Variants in PDXDC1 observed in about 807,000 individuals in gnomAD.
PDXDC1 encodes the protein pyridoxal-dependent decarboxylase domain-containing protein 1.
In PDXDC1, 42 loss-of-function variants were observed where a neutral mutation model predicts 100.1. The ratio of observed to expected loss-of-function variants is 0.42; its 90% CI spans 0.33 to 0.54. The LOEUF (loss-of-function observed/expected upper bound fraction) is 0.54. Ranked by LOEUF, PDXDC1 falls within the 20% of genes least tolerant of loss-of-function variation. PDXDC1 has a pLI of 0.10. For synonymous variants in PDXDC1, 260 were observed against 371.7 expected (o/e 0.70, Z 3.46); for missense variants, 636 against 979.2 (o/e 0.65, Z 4.68).
chr16:15,128,346 G>T (rs2047866813), intron 16 of PDXDC1: 2 of 1,607,390 alleles, frequency 1.2e-6, no homozygotes, highest in East Asian at 4.5e-5. Context: ...GGCCGCTCCG[G>T]CTGTCCACCC....
At chr16:14,987,304 T>C (rs1249145168) in intron 1 of PDXDC1, among the ~76,000 whole-genome samples, 1 of 152,300 alleles carries the variant, frequency 6.6e-6, no homozygotes, top group Non-Finnish European at 1.5e-5. Flanking sequence ...TTCATTTACT[T>C]ACTTGATAAA....
At chr16:14,980,757 G>T (rs958576358) in intron 1 of PDXDC1, among the ~76,000 whole-genome samples, 1 of 152,282 alleles carries the variant, frequency 6.6e-6, no homozygotes, top group African/African-American at 2.4e-5. Context: ...GAGCCACCGC[G>T]CCTGGCCAAT....
At chr16:15,000,955 A>G (rs1341546606) in intron 3 of PDXDC1, among the ~76,000 whole-genome samples, 2 of 149,434 alleles carry the variant, frequency 1.3e-5, no homozygotes, top group African/African-American at 2.4e-5. Context: ...ACACTTATAT[A>G]TTATAAGTAC....
rs139975371 is a variant in PDXDC1 at position 15,097,642 on chromosome 16, C to CA, written c.1400-41223dup. Among the ~76,000 whole-genome samples the CA allele has an allele frequency of 4.5e-3, 517 of 115,748 alleles. 1 individual carries two copies. Among genetic ancestry groups the CA allele is most frequent in the Middle Eastern group, 8.0e-3 (2 of 250 alleles). The allele number at this position is 115,748 out of a possible 152,430, so 75.9% of individuals were successfully genotyped here. Reference sequence around the variant, plus strand: ...GGGTGACAGAGTGAGACTCCGTCTCCAAAAAAAAAAAAAAGAACATAATGA... The same window carrying CA: ...GGGTGACAGAGTGAGACTCCGTCTCCAAAAAAAAAAAAAAAGAACATAATGA... On this transcript the variant is annotated intron_variant, in intron 16 of 16. Coordinates refer to the PDXDC1 transcript ENST00000535621.
intron 16 of PDXDC1, chr16:15,076,767 T>A: frequency 1.4e-6 from 1 of 694,394 alleles, no homozygotes. Flanking sequence ...TAGTGCCTTA[T>A]ATCACACCCC....
intron 16 of PDXDC1, among the ~76,000 whole-genome samples, chr16:15,095,325 C>G (rs528102975): frequency 5.9e-5 from 9 of 151,916 alleles, no homozygotes; most frequent in African/African-American, 2.2e-4. Context: ...ACTGTACAGG[C>G]CTATCAAAAA....
chr16:14,975,015 C>G, upstream of PDXDC1: 3 of 1,533,224 alleles, frequency 2.0e-6, no homozygotes, highest in South Asian at 3.6e-5. Context: ...TACGGGGCCC[C>G]GCCCCGCCGC....
rs575599072 is a variant in PDXDC1 at position 15,007,263 on chromosome 16, C to T, written c.579+680C>T. ...TCGGCTCACTGCAAGCTCCGCCTCC[C>T]GGATTCATGCCATTCTCCTGCCTCA... On this transcript the variant is annotated intron_variant, in intron 6 of 22. Transcript: ENST00000396410. Among the ~76,000 whole-genome samples, 664 of 150,318 alleles carry T rather than the reference C, an allele frequency of 4.4e-3. 2 individuals carry two copies. Among genetic ancestry groups the T allele is most frequent in the South Asian group, 9.2e-3 (44 of 4,758 alleles).
At chr16:15,104,183 A>C (rs1263360799) in intron 16 of PDXDC1, 67 of 847,456 alleles carry the variant, frequency 7.9e-5, no homozygotes, top group African/African-American at 3.1e-4. Flanking sequence ...AAAAAAAAAA[A>C]CAAATAATAA....
intron 14 of PDXDC1, among the ~76,000 whole-genome samples, 172 bp from the exon 15 acceptor site, chr16:15,028,706 T>C (rs1329195900): frequency 6.6e-6 from 1 of 152,308 alleles, no homozygotes; most frequent in East Asian, 1.9e-4. Context: ...GTTACATAGA[T>C]CACGAGGAAA....
chr16:15,065,835 C>T (rs904800974), intron 16 of PDXDC1, among the ~76,000 whole-genome samples: 1 of 152,062 alleles, frequency 6.6e-6, no homozygotes, highest in Non-Finnish European at 1.5e-5. Flanking sequence ...TGAAGAAGCA[C>T]TGAAAAAGAA....
At chr16:15,023,144 C>T (rs1318025092) in intron 13 of PDXDC1, among the ~76,000 whole-genome samples, 1 of 152,284 alleles carries the variant, frequency 6.6e-6, no homozygotes, top group Non-Finnish European at 1.5e-5. Flanking sequence ...TCTCTTTCTG[C>T]AACCTTCTGC....
At chr16:15,135,571 G>C (rs531580609) in intron 16 of PDXDC1, 2 of 1,177,862 alleles carry the variant, frequency 1.7e-6, no homozygotes, top group East Asian at 4.7e-5. Flanking sequence ...GCCAGCCCTG[G>C]TGGCAAGCTG....
At chr16:15,044,214 G>T in intron 16 of PDXDC1, 4 of 674,328 alleles carry the variant, frequency 5.9e-6, no homozygotes, top group South Asian at 5.2e-5. Context: ...CTGTTTCTCT[G>T]TGCTGCTCCA....
At chr16:15,034,411 G>C (rs2043268564) in intron 20 of PDXDC1, 33 bp downstream of exon 20, 2 of 1,613,138 alleles carry the variant, frequency 1.2e-6, no homozygotes, top group Admixed American at 3.3e-5. Flanking sequence ...GGCTGGGGGA[G>C]CCGCCGTGAG....
At chr16:15,001,120 T>C (rs1973052468) in intron 3 of PDXDC1, among the ~76,000 whole-genome samples, 1 of 152,258 alleles carries the variant, frequency 6.6e-6, no homozygotes, top group African/African-American at 2.4e-5. Flanking sequence ...TATTGGAGGC[T>C]GAGGCAGGAG....
At chr16:15,050,420 G>T (rs1197139655) in intron 16 of PDXDC1, among the ~76,000 whole-genome samples, 1 of 152,124 alleles carries the variant, frequency 6.6e-6, no homozygotes, top group African/African-American at 2.4e-5. Flanking sequence ...TGCTAATTTA[G>T]GTTAGCGCTC....
the PDXDC1 span, among the ~76,000 whole-genome samples, chr16:15,145,099 A>G: frequency 1.3e-5 from 2 of 152,008 alleles, no homozygotes; most frequent in Admixed American, 6.5e-5. Flanking sequence ...TCCTCCCCCA[A>G]CACCATCCCC....
chr16:15,025,406 T>C (rs1414245337), intron 13 of PDXDC1: 1 of 152,482 alleles, frequency 6.6e-6, no homozygotes, highest in African/African-American at 2.4e-5. Flanking sequence ...TATTTAAATA[T>C]TAAGCACCGC....
Sources: allele counts gnomAD v4.1 joint callset (sites outside exome capture counted in the v4.1 genomes callset), GRCh38; gene constraint gnomAD v4.1.1; transcripts MANE v1.5; gene names NCBI Gene and HGNC (gene_info 2026-07-23, HGNC 2026-07-21).